Variants in PCDH11X observed in about 807,000 individuals in gnomAD.
PCDH11X encodes protocadherin 11 X-linked.
In PCDH11X, 18 loss-of-function variants were observed where a neutral mutation model predicts 53.3. The observed-to-expected ratio is 0.34, with a 90% CI of 0.23 to 0.50. The LOEUF (loss-of-function observed/expected upper bound fraction) is 0.50. Among genes scored for constraint, PCDH11X ranks in the 20% least tolerant of loss-of-function variants. PCDH11X has a pLI of 0.98. For synonymous variants in PCDH11X, 279 were observed against 393.3 expected (o/e 0.71, Z 3.44); for missense variants, 570 against 1,032.4 (o/e 0.55, Z 6.14).
intron 10 of PCDH11X, among the ~76,000 whole-genome samples, chrX:92,548,362 G>T (rs1302956458): frequency 9.1e-6 from 1 of 110,464 alleles, no homozygotes; most frequent in Non-Finnish European, 1.9e-5. Context: ...CTAGAGACAG[G>T]GTTTCACTAT....
intron 6 of PCDH11X, among the ~76,000 whole-genome samples, chrX:91,995,911 G>A (rs1345793685): frequency 4.2e-4 from 43 of 103,425 alleles, no homozygotes; most frequent in African/African-American, 1.4e-3. Flanking sequence ...GTGCAGTGGC[G>A]CGATCTTGGC....
intron 6 of PCDH11X, among the ~76,000 whole-genome samples, chrX:92,125,096 A>C (rs1182216371): frequency 2.7e-5 from 3 of 112,048 alleles, no homozygotes; most frequent in Non-Finnish European, 5.6e-5. Context: ...AGAAAATAAT[A>C]GTATAGGAGA....
intron 6 of PCDH11X, among the ~76,000 whole-genome samples, chrX:91,939,582 G>T (rs1569266937): frequency 9.5e-6 from 1 of 105,751 alleles, no homozygotes; most frequent in Non-Finnish European, 2.0e-5. Flanking sequence ...CAATGATAAA[G>T]AAAAAAAAAT....
chrX:92,203,995 C>T (rs758270190), intron 7 of PCDH11X, among the ~76,000 whole-genome samples: 131 of 112,292 alleles, frequency 1.2e-3, no homozygotes, highest in African/African-American at 4.1e-3. Context: ...GAAGCAATGA[C>T]CTGTGCTATA....
chrX:92,109,373 C>CA (rs373993283), intron 6 of PCDH11X, among the ~76,000 whole-genome samples: 150 of 102,133 alleles, frequency 1.5e-3, no homozygotes, highest in South Asian at 0.013. Context: ...GATTCCATCT[C>CA]AAAAAAAAAA....
chrX:92,171,612 G>A (rs754439096), intron 6 of PCDH11X, among the ~76,000 whole-genome samples: 89 of 110,601 alleles, frequency 8.0e-4, no homozygotes, highest in South Asian at 3.5e-3. Context: ...GGCATGTGCC[G>A]CCATGCCTGG....
chrX:92,240,637 T>C lies in PCDH11X; in HGVS notation c.3115-22477T>C, dbSNP rs200480111. Among the ~76,000 whole-genome samples, 63 of 111,936 alleles carry C rather than the reference T, an allele frequency of 5.6e-4. No homozygotes were observed. The South Asian group carries it at 0.018, about 31-fold the overall frequency. ...GTCATTAACATTCTTCACAGCTTCTTTGAAATATAATTAGACATATGATAA... is the reference window on the plus strand; with the variant it reads ...GTCATTAACATTCTTCACAGCTTCTCTGAAATATAATTAGACATATGATAA... On this transcript the variant is annotated intron_variant, in intron 7 of 10. Transcript: ENST00000682573.
rs1375318442 is a variant in PCDH11X, at chrX:92,301,866, G to A, written c.3144+38723G>A. ...AATTGGTGTTAATTATCCTTTAAACGTTTGGTAGAATTCAACAGTGAAACT... is the reference window on the plus strand; with the variant it reads ...AATTGGTGTTAATTATCCTTTAAACATTTGGTAGAATTCAACAGTGAAACT... On this transcript the variant is annotated intron_variant, in intron 8 of 10. Coordinates refer to ENST00000682573, the MANE Select transcript of PCDH11X (RefSeq NM_032968.5). Among the ~76,000 whole-genome samples, 4 of 110,038 alleles carry A rather than the reference G, an allele frequency of 3.6e-5. No homozygotes were observed. In the Admixed American group the frequency reaches 3.9e-4, roughly 11 times the overall value.
At chrX:92,227,560 G>A (rs529760461) in intron 7 of PCDH11X, among the ~76,000 whole-genome samples, 1 of 111,356 alleles carries the variant, frequency 9.0e-6, no homozygotes, top group African/African-American at 3.2e-5. Flanking sequence ...TAATTAGTAT[G>A]TTTTATCTCC....
At chrX:91,858,119 C>T (rs1006231280) in intron 5 of PCDH11X, among the ~76,000 whole-genome samples, 2 of 109,609 alleles carry the variant, frequency 1.8e-5, no homozygotes, top group African/African-American at 6.7e-5. Flanking sequence ...TGTTCACCCT[C>T]ATGCCCAACA....
intron 6 of PCDH11X, among the ~76,000 whole-genome samples, chrX:92,105,082 A>C (rs1395347173): frequency 2.7e-5 from 3 of 111,599 alleles, no homozygotes; most frequent in Non-Finnish European, 5.6e-5. Flanking sequence ...AAATGATTAA[A>C]CACCAAGGGA....
chrX:92,422,188 G>A (rs1383733491), intron 9 of PCDH11X, among the ~76,000 whole-genome samples: 1 of 98,037 alleles, frequency 1.0e-5, no homozygotes, highest in Non-Finnish European at 2.0e-5. Flanking sequence ...AGAGGTTTTT[G>A]GGGAACAGGT....
chrX:92,470,754 T>C (rs1364700250), intron 10 of PCDH11X, among the ~76,000 whole-genome samples: 1 of 110,792 alleles, frequency 9.0e-6, no homozygotes, highest in Non-Finnish European at 1.9e-5. Flanking sequence ...ATCACATAGA[T>C]TGATTTGCAT....
At chrX:91,815,946 G>T (rs1311956709) in intron 4 of PCDH11X, among the ~76,000 whole-genome samples, 2 of 109,452 alleles carry the variant, frequency 1.8e-5, no homozygotes, top group East Asian at 2.8e-4. Context: ...TGGCCAACAT[G>T]GTGAAGCCCC....
intron 6 of PCDH11X, among the ~76,000 whole-genome samples, chrX:92,129,093 GAA>G (rs67866037): frequency 9.0e-6 from 1 of 110,657 alleles, no homozygotes; most frequent in Admixed American, 9.6e-5. Context: ...TAGGGGAGGG[GAA>G]AAAAGTCTTT....
At chrX:92,277,196 G>T (rs2068117241) in intron 8 of PCDH11X, among the ~76,000 whole-genome samples, 1 of 109,772 alleles carries the variant, frequency 9.1e-6, no homozygotes, top group Non-Finnish European at 1.9e-5. Flanking sequence ...AAAGAAGGAA[G>T]ATTTGGGAGG....
chrX:92,474,369 A>G (rs1309644032), intron 10 of PCDH11X, among the ~76,000 whole-genome samples: 1 of 109,706 alleles, frequency 9.1e-6, no homozygotes, highest in Admixed American at 9.8e-5. Flanking sequence ...CTTGTAGGCA[A>G]TAGATTATAT....
At chrX:92,511,268 C>G (rs1259334678) in intron 10 of PCDH11X, among the ~76,000 whole-genome samples, 2 of 111,535 alleles carry the variant, frequency 1.8e-5, no homozygotes, top group African/African-American at 6.5e-5. Context: ...CAGGAAGAGA[C>G]AGTTGCATGG....
chrX:92,175,756 A>ATGTGTGTGTGTGTGTGTG (rs751094829), intron 6 of PCDH11X, among the ~76,000 whole-genome samples: 7 of 70,938 alleles, frequency 9.9e-5, no homozygotes, highest in Non-Finnish European at 1.6e-4. Flanking sequence ...GTATACATAT[A>ATGTGTGTGTGTGTGTGTG]TGTGTGTGTG....
Sources: allele counts gnomAD v4.1 joint callset (sites outside exome capture counted in the v4.1 genomes callset), GRCh38; gene constraint gnomAD v4.1.1; transcripts MANE v1.5; gene names NCBI Gene and HGNC (gene_info 2026-07-23, HGNC 2026-07-21).